GRAMD1B: variants seen among roughly 807,000 people sequenced by gnomAD.
GRAMD1B encodes GRAM domain containing 1B.
GRAMD1B carries 37 observed loss-of-function variants against 99.7 expected under a neutral mutation model. The ratio of observed to expected loss-of-function variants is 0.37; its 90% CI spans 0.29 to 0.49. GRAMD1B has a LOEUF of 0.49. Among genes scored for constraint, GRAMD1B ranks in the 20% least tolerant of loss-of-function variants. The pLI is 0.98. For missense variants in GRAMD1B, 888 were observed against 1,009.2 expected (o/e 0.88, Z 1.63); for synonymous variants, 427 against 387.6 (o/e 1.10, Z -1.19).
chr11:123,619,890 G>A (rs886323361), intron 19 of GRAMD1B, among the ~76,000 whole-genome samples: 4 of 152,282 alleles, frequency 2.6e-5, no homozygotes, highest in East Asian at 1.9e-4. Context: ...TGCCTTTGCT[G>A]TGCAAGAGAA....
intron 4 of GRAMD1B, among the ~76,000 whole-genome samples, chr11:123,593,759 G>C (rs566849548): frequency 6.6e-5 from 10 of 152,268 alleles, no homozygotes; most frequent in African/African-American, 2.4e-4. Context: ...GCAGTAGCTG[G>C]CATGGTGGAT....
chr11:123,592,189 G>C (rs1006903431), intron 4 of GRAMD1B, among the ~76,000 whole-genome samples: 11 of 152,182 alleles, frequency 7.2e-5, no homozygotes, highest in Admixed American at 2.0e-4. Flanking sequence ...AGACCTAGTA[G>C]AGGGCTTGGA....
chr11:123,607,466 G>T (rs1341359565), intron 11 of GRAMD1B, among the ~76,000 whole-genome samples: 2 of 152,148 alleles, frequency 1.3e-5, no homozygotes, highest in Admixed American at 1.3e-4. Flanking sequence ...ATATGAGCAC[G>T]GTGCTCACTT....
chr11:123,619,186 A>G lies in GRAMD1B; in HGVS notation c.2506A>G (p.Arg836Gly). 6.4e-7 allele frequency: 1 copy of G among 1,566,736 alleles called. No individual in the cohort carries two copies. Among genetic ancestry groups the G allele is most frequent in the Non-Finnish European group, 8.7e-7 (1 of 1,155,574 alleles). ...CCACGATACTGAGCTCCAAAAATGG[A>G]GGGAAATCATCAAATCCTCAGTGAT... ...KYHDTELQKW[R>G]EIIKSSVMLL... The change falls in exon 19 of 20, where the codon AGG becomes GGG. Residue 836 changes from arginine (R) to glycine (G), a missense_variant. Physicochemically the swap from Arg to Gly is moderately radical, Grantham distance 125. This residue lies in a region of GRAMD1B where 232 missense variants were observed against 261.7 expected (regional missense o/e 0.89). Transcript: ENST00000635736.
At chr11:123,451,318 G>T (rs1425827228) in intron 1 of GRAMD1B, among the ~76,000 whole-genome samples, 1 of 152,124 alleles carries the variant, frequency 6.6e-6, no homozygotes, top group Non-Finnish European at 1.5e-5. Flanking sequence ...GCATCCTGTG[G>T]GGCAGATGTA....
At chr11:123,573,218 A>G (rs541013710) in intron 2 of GRAMD1B, among the ~76,000 whole-genome samples, 2 of 152,330 alleles carry the variant, frequency 1.3e-5, no homozygotes, top group East Asian at 3.9e-4. Flanking sequence ...CTGGAAATGT[A>G]GCCAGTGTTG....
intron 2 of GRAMD1B, among the ~76,000 whole-genome samples, chr11:123,513,617 C>CCTTTCTTTCTTCCTTTCTTT (rs1941357581): frequency 2.2e-5 from 1 of 45,774 alleles, no homozygotes; most frequent in Admixed American, 2.6e-4. Flanking sequence ...TTCCTTCCTT[C>CCTTTCTTTCTTCCTTTCTTT]CTTTCTTTCT....
chr11:123,467,825 C>T (rs1206622460), intron 1 of GRAMD1B, among the ~76,000 whole-genome samples: 1 of 87,396 alleles, frequency 1.1e-5, no homozygotes, highest in Non-Finnish European at 2.3e-5. Context: ...TCTTTTCCCT[C>T]CCTCCCTCCC....
chr11:123,604,823 T>C (rs1254119421), intron 9 of GRAMD1B, among the ~76,000 whole-genome samples: 1 of 152,156 alleles, frequency 6.6e-6, no homozygotes, highest in Non-Finnish European at 1.5e-5. Flanking sequence ...CACCTTCATC[T>C]CAAGGAGGTT....
chr11:123,596,339 G>T (rs1433017677), intron 7 of GRAMD1B, among the ~76,000 whole-genome samples: 1 of 152,228 alleles, frequency 6.6e-6, no homozygotes, highest in Non-Finnish European at 1.5e-5. Flanking sequence ...AATGGAGCCA[G>T]CAATACCTAT....
At chr11:123,359,026 G>A (rs1946048969) in intron 1 of GRAMD1B, among the ~76,000 whole-genome samples, 1 of 152,176 alleles carries the variant, frequency 6.6e-6, no homozygotes, top group Non-Finnish European at 1.5e-5. Flanking sequence ...GAGAGTTTGT[G>A]TCCCCAGGAA....
At chr11:123,467,648 C>T (rs1950757688) in intron 1 of GRAMD1B, among the ~76,000 whole-genome samples, 1 of 152,034 alleles carries the variant, frequency 6.6e-6, no homozygotes, top group Non-Finnish European at 1.5e-5. Context: ...TAATTCAAGT[C>T]GGCATCGCCA....
rs190168253 is a variant in GRAMD1B at position 123,596,462 on chromosome 11, C to T, written c.969+425C>T. Among the ~76,000 whole-genome samples the T allele has an allele frequency of 7.7e-3, 1,173 of 152,324 alleles. 15 individuals are homozygous for T. The highest frequency in any genetic ancestry group is 0.034 in the Middle Eastern group (10 of 294). On this transcript the variant is annotated intron_variant, in intron 7 of 19. Coordinates refer to ENST00000635736, the MANE Select transcript of GRAMD1B (RefSeq NM_001387025.1). Reference sequence around the variant, plus strand: ...TGTATCAGCTTAGCTGATTATCTCTCAAGAGGATGGGGAGTCTGATAGAAA... The same window carrying T: ...TGTATCAGCTTAGCTGATTATCTCTTAAGAGGATGGGGAGTCTGATAGAAA...
Position 123,551,883 on chromosome 11 carries a change from T to C in GRAMD1B, c.453-25484T>C, listed in dbSNP as rs1945647456. Among the ~76,000 whole-genome samples the C allele has an allele frequency of 2.6e-5, 4 of 152,326 alleles. No individual in the cohort carries two copies. The South Asian group carries it at 6.2e-4, about 24-fold the overall frequency. On this transcript the variant is annotated intron_variant, in intron 2 of 19. Transcript: ENST00000635736. ...TTCCACCCATCATCCTTCTCAATTT[T>C]TCGCTTTCATTTCCCTATGCTTCTC...
chr11:123,488,195 C>T (rs1055909641), intron 2 of GRAMD1B, among the ~76,000 whole-genome samples: 24 of 152,272 alleles, frequency 1.6e-4, no homozygotes, highest in Middle Eastern at 3.4e-3. Flanking sequence ...TCATGATTTA[C>T]GGCCCCACCT....
intron 1 of GRAMD1B, among the ~76,000 whole-genome samples, chr11:123,370,682 GA>G (rs1368728185): frequency 6.6e-6 from 1 of 152,122 alleles, no homozygotes; most frequent in Non-Finnish European, 1.5e-5. Flanking sequence ...TCTCTGAAGA[GA>G]AGGTGAAGTC....
rs143284003 is a variant in GRAMD1B, at chr11:123,503,938, A to G, written c.452+23045A>G. ...TATTATGACCTCCATTTTATAGACA[A>G]GAAAACTGAAGCTTAGAGAAGTTTC... On this transcript the variant is annotated intron_variant, in intron 2 of 19. Coordinates refer to ENST00000635736, the MANE Select transcript of GRAMD1B (RefSeq NM_001387025.1). Among the ~76,000 whole-genome samples, 453 of 152,354 alleles carry G rather than the reference A, an allele frequency of 3.0e-3. 2 individuals are homozygous for G. The highest frequency in any genetic ancestry group is 0.01 in the African/African-American group (429 of 41,586).
intron 2 of GRAMD1B, among the ~76,000 whole-genome samples, chr11:123,519,612 A>G (rs567354044): frequency 2.0e-5 from 3 of 152,148 alleles, no homozygotes; most frequent in Non-Finnish European, 4.4e-5. Flanking sequence ...TCTGCCCCAG[A>G]TTTCCCAGCA....
intron 2 of GRAMD1B, among the ~76,000 whole-genome samples, chr11:123,571,025 G>A (rs1331891257): frequency 1.3e-5 from 2 of 152,228 alleles, no homozygotes; most frequent in Non-Finnish European, 2.9e-5. Context: ...GCAGCCAGGC[G>A]CACTGCAGAG....
Sources: gnomAD v4.1 joint callset for allele counts (sites outside exome capture counted in the v4.1 genomes callset) on GRCh38, gnomAD v4.1.1 for gene constraint, gnomAD v4.1.1 regional missense constraint, MANE v1.5 for transcripts, NCBI Gene and HGNC (gene_info 2026-07-23, HGNC 2026-07-21) for gene names.